LVRN: variants seen among roughly 807,000 people sequenced by gnomAD.
LVRN encodes laeverin.
In LVRN, 99 loss-of-function variants were observed where a neutral mutation model predicts 111.4. The ratio of observed to expected loss-of-function variants is 0.89; its 90% CI spans 0.76 to 1.05. The LOEUF (loss-of-function observed/expected upper bound fraction) is 1.05. Ranked by LOEUF, LVRN falls within the 50% of genes least tolerant of loss-of-function variation. The pLI is 0.00. For missense variants in LVRN, 1,414 were observed against 1,206.8 expected (o/e 1.17, Z -2.54); for synonymous variants, 488 against 449.5 (o/e 1.09, Z -1.08).
chr5:116,007,099 G>C (rs1042843955), intron 13 of LVRN, among the ~76,000 whole-genome samples: 1 of 152,172 alleles, frequency 6.6e-6, no homozygotes, highest in Non-Finnish European at 1.5e-5. Context: ...ACTAAGCCAA[G>C]CTTTCATCAT....
intron 1 of LVRN, chr5:115,974,696 A>C (rs1208092948): frequency 5.9e-6 from 1 of 169,862 alleles, no homozygotes; most frequent in Non-Finnish European, 1.3e-5. Context: ...TTGGCACTCC[A>C]GTCCTTCCAG....
chr5:115,992,388 A>G (rs2112584753), intron 5 of LVRN, 111 bp downstream of exon 5: 2 of 1,242,774 alleles, frequency 1.6e-6, no homozygotes, highest in South Asian at 1.3e-5. Flanking sequence ...TTTTAAAAAG[A>G]AAAACATCTC....
At chr5:115,974,984 TTGTCTC>T in intron 1 of LVRN, 4 of 398,340 alleles carry the variant, frequency 1.0e-5, no homozygotes, top group Non-Finnish European at 2.0e-5. Context: ...GATAATCACT[TTGTCTC>T]TGGGTGAAAT....
intron 19 of LVRN, chr5:116,023,332 A>C (rs1748796212): frequency 6.6e-6 from 1 of 152,194 alleles, no homozygotes; most frequent in South Asian, 2.1e-4. Context: ...TCTTTCCTCT[A>C]GGCTGAATTT....
intron 13 of LVRN, among the ~76,000 whole-genome samples, chr5:116,009,313 G>T (rs984801118): frequency 6.6e-6 from 1 of 152,152 alleles, no homozygotes; most frequent in African/African-American, 2.4e-5. Context: ...TGATGCACTT[G>T]GTTACACAAG....
Position 116,015,343 on chromosome 5 carries a change from A to G in LVRN, c.2542A>G (p.Asn848Asp). Residue 848 changes from asparagine (N) to aspartate (D), a missense_variant, in exon 17 of 20, where the codon AAT (asparagine) becomes GAT (aspartate). Transcript: ENST00000357872. ...GGACATCTTGTTAAATACTTACACT[A>G]ATACAACAAACAAAGAAGAAAAGAT... is the stretch of plus-strand genomic sequence containing the variant. The part of the protein sequence containing the change: ...EWDILLNTYT[N>D]TTNKEEKIQL... 6.2e-7 allele frequency: 1 copy of G among 1,612,384 alleles called. No individual in the cohort carries two copies. Among genetic ancestry groups the G allele is most frequent in the Non-Finnish European group, 8.5e-7 (1 of 1,179,350 alleles).
chr5:116,001,349 T>A (rs1748235833), intron 10 of LVRN, 110 bp downstream of exon 10: 1 of 1,249,950 alleles, frequency 8.0e-7, no homozygotes, highest in Non-Finnish European at 1.1e-6. Context: ...CATACACACT[T>A]CTGCAATGTG....
chr5:115,962,543 G>T lies in LVRN; in HGVS notation c.-75G>T, dbSNP rs922687018. Reference sequence around the variant, plus strand: ...GAGGAGGGGCAGGGGTCGCAGCACTGAACACCCTGGCCGGGGTTTTGACAG... The same window carrying T: ...GAGGAGGGGCAGGGGTCGCAGCACTTAACACCCTGGCCGGGGTTTTGACAG... On this transcript the variant is annotated 5_prime_UTR_variant, in exon 1 of 20. Coordinates refer to ENST00000357872, the MANE Select transcript of LVRN (RefSeq NM_173800.5). 2.2e-6 allele frequency: 3 copies of T among 1,394,710 alleles called. No homozygotes were observed. In the East Asian group the frequency reaches 6.9e-5, roughly 32 times the overall value. The allele number at this position is 1,394,710 out of a possible 1,614,324, so 86.4% of individuals were successfully genotyped here. A position where few individuals can be genotyped will look rare whatever the true frequency, so the allele number is the denominator to read the frequency against.
Position 116,022,439 on chromosome 5 carries a change from C to A in LVRN, c.2805C>A (p.Thr935=). 1.3e-6 allele frequency: 2 copies of A among 1,558,770 alleles called. No homozygotes were observed. The highest frequency in any genetic ancestry group is 1.7e-6 in the Non-Finnish European group (2 of 1,144,298). The change falls in exon 19 of 20, where the codon ACC becomes ACA. Residue 935 remains threonine, a synonymous_variant. Transcript: ENST00000357872. ...ATCTAATATATACAATAGGGAGAACCGTAACTACAGATTTACAGATTGTGG... is the reference window on the plus strand; with the variant it reads ...ATCTAATATATACAATAGGGAGAACAGTAACTACAGATTTACAGATTGTGG... ...LINLIYTIGR[T]VTTDLQIVEL...
intron 1 of LVRN, among the ~76,000 whole-genome samples, chr5:115,964,415 T>C (rs1753158704): frequency 6.6e-6 from 1 of 152,228 alleles, no homozygotes; most frequent in South Asian, 2.1e-4. Flanking sequence ...ACTTTTGTTT[T>C]TAAGGGCAGC....
chr5:115,993,020 T>C (rs941426668), intron 5 of LVRN, among the ~76,000 whole-genome samples: 3 of 152,202 alleles, frequency 2.0e-5, no homozygotes, highest in Admixed American at 2.0e-4. Flanking sequence ...AATCACAAGT[T>C]TTATTAAGTC....
At chr5:115,964,438 T>C (rs1753159729) in intron 1 of LVRN, among the ~76,000 whole-genome samples, 1 of 152,240 alleles carries the variant, frequency 6.6e-6, no homozygotes, top group African/African-American at 2.4e-5. Flanking sequence ...GCTTGGTTTT[T>C]CTTTAAAAAA....
chr5:116,021,203 G>A (rs1748721717), intron 18 of LVRN: 1 of 152,178 alleles, frequency 6.6e-6, no homozygotes, highest in Admixed American at 6.5e-5. Context: ...ATTGCCCAAG[G>A]TAATGTCAAA....
Position 116,015,347 on chromosome 5 carries a change from CAACA to C in LVRN, c.2553_2556del (p.Asn851LysfsTer11), listed in dbSNP as rs553823196. The C allele has an allele frequency of 1.6e-4, 259 of 1,612,114 alleles. 3 individuals carry two copies. In the South Asian group the frequency reaches 2.7e-3, roughly 17 times the overall value. On this transcript the variant is annotated frameshift_variant, in exon 17 of 20. Transcript: ENST00000357872. LOFTEE classifies it high-confidence loss of function. ...ATCTTGTTAAATACTTACACTAATACAACAAACAAAGAAGAAAAGATTCAACTTG... is the reference window on the plus strand; with the variant it reads ...ATCTTGTTAAATACTTACACTAATACAACAAAGAAGAAAAGATTCAACTTG...
intron 4 of LVRN, among the ~76,000 whole-genome samples, chr5:115,991,385 C>G (rs747652640): frequency 2.6e-5 from 4 of 152,230 alleles, no homozygotes; most frequent in Non-Finnish European, 5.9e-5. Context: ...TACATCATTT[C>G]TCATCACTGA....
At chr5:116,013,299 G>T (rs1311543851) in intron 15 of LVRN, among the ~76,000 whole-genome samples, 5 of 152,176 alleles carry the variant, frequency 3.3e-5, no homozygotes, top group African/African-American at 9.7e-5. Context: ...GCATGAGTAG[G>T]TGGACAATGG....
At chr5:115,963,458 A>G in intron 1 of LVRN, 146 bp downstream of exon 1, 1 of 582,434 alleles carries the variant, frequency 1.7e-6, no homozygotes, top group Non-Finnish European at 2.9e-6. Flanking sequence ...TTTTCTTTTT[A>G]TTTATTTATT....
Position 115,962,968 on chromosome 5 carries a change from C to A in LVRN, c.351C>A (p.Pro117=). ...YDLELWPQLR[P]DELPAGSLPF... is the part of the protein sequence containing the mutation. ...TGGAGCTGTGGCCGCAGCTGAGGCC[C>A]GACGAGCTTCCGGCCGGGTCTTTGC... The change falls in exon 1 of 20, where the codon CCC becomes CCA. Residue 117 remains proline, a synonymous_variant. Transcript: ENST00000357872. 7 of 1,613,310 alleles carry A rather than the reference C, an allele frequency of 4.3e-6. No individual in the cohort carries two copies. The highest frequency in any genetic ancestry group is 2.2e-5 in the East Asian group (1 of 44,858).
At chr5:115,992,358 A>T in intron 5 of LVRN, 81 bp downstream of exon 5, 1 of 1,467,378 alleles carries the variant, frequency 6.8e-7, no homozygotes, top group South Asian at 1.2e-5. Flanking sequence ...AACCCCAGTA[A>T]GACCCTGCCA....
Sources: gnomAD v4.1 joint callset for allele counts (sites outside exome capture counted in the v4.1 genomes callset) on GRCh38, gnomAD v4.1.1 for gene constraint, MANE v1.5 for transcripts, NCBI Gene and HGNC (gene_info 2026-07-23, HGNC 2026-07-21) for gene names.